CHD9: variants seen among roughly 807,000 people sequenced by gnomAD.
CHD9 encodes the protein chromodomain helicase DNA binding protein 9.
A neutral mutation model predicts 316.1 loss-of-function variants in CHD9; 77 were observed. The observed-to-expected ratio is 0.24, with a 90% CI of 0.20 to 0.29. The LOEUF is 0.29. CHD9 is among the 10% of genes least tolerant of loss of function. CHD9 has a pLI of 1.00. For synonymous variants in CHD9, 1,129 were observed against 1,158.3 expected, an observed-to-expected ratio of 0.97 and a Z score of 0.51; for missense variants, 2,763 against 3,438.1, an observed-to-expected ratio of 0.80 and a Z score of 4.91.
intron 1 of CHD9, among the ~76,000 whole-genome samples, chr16:53,088,568 G>A (rs1049265574): frequency 6.6e-6 from 1 of 150,960 alleles, no homozygotes; most frequent in Non-Finnish European, 1.5e-5. Context: ...TTGAGCCACC[G>A]CGCCCGGCCA....
chr16:53,132,499 A>G (rs1334216120), intron 1 of CHD9, among the ~76,000 whole-genome samples: 3 of 152,262 alleles, frequency 2.0e-5, no homozygotes, highest in African/African-American at 7.2e-5. Flanking sequence ...TAGTTTTAAA[A>G]GAACCACTAG....
intron 1 of CHD9, among the ~76,000 whole-genome samples, chr16:53,064,979 AAGAGAG>A (rs554306872): frequency 6.6e-6 from 1 of 151,450 alleles, no homozygotes; most frequent in African/African-American, 2.4e-5. Flanking sequence ...GAAAGAAAGA[AAGAGAG>A]AGAGAGAGAG....
intron 1 of CHD9, chr16:53,130,779 C>T (rs1472777024): frequency 1.3e-5 from 2 of 151,848 alleles, no homozygotes; most frequent in Non-Finnish European, 2.9e-5. Flanking sequence ...AGGGGACGCT[C>T]CCTCTTAGGC....
intron 1 of CHD9, among the ~76,000 whole-genome samples, chr16:53,132,327 G>A (rs73590897): frequency 0.032 from 4,922 of 152,026 alleles, 100 homozygotes; most frequent in Middle Eastern, 0.071. Context: ...TAAAATTACC[G>A]TCAGAATTTA....
At chr16:53,115,411 A>G (rs1387363224) in intron 1 of CHD9, among the ~76,000 whole-genome samples, 3 of 152,254 alleles carry the variant, frequency 2.0e-5, no homozygotes, top group African/African-American at 7.2e-5. Flanking sequence ...CTGAGCAAAG[A>G]TAATTTTTAA....
intron 1 of CHD9, among the ~76,000 whole-genome samples, chr16:53,131,766 G>T (rs1221077550): frequency 6.6e-6 from 1 of 152,118 alleles, no homozygotes; most frequent in African/African-American, 2.4e-5. Context: ...CGTCCCGCGC[G>T]GGCACCCGAC....
rs144590971 is a variant in CHD9 at position 53,110,738 on chromosome 16, G to A, written c.-164-45188G>A. On this transcript the variant is annotated intron_variant, in intron 1 of 38. Coordinates refer to ENST00000447540, the MANE Select transcript of CHD9 (RefSeq NM_001308319.2). ...GACTGAGCAACTGCACTCCAGCCTG[G>A]GTGATGGTGAGACTCCATCTCAAAA... 7.2e-4 allele frequency among the ~76,000 whole-genome samples: 109 copies of A among 152,268 alleles called. 2 individuals are homozygous for A. The East Asian group carries it at 0.015, about 22-fold the overall frequency.
rs1555491177 is a variant in CHD9, at chr16:53,143,400, T to TTATC, written c.-164-12524_-164-12521dup. ...TTTATTTATTTATTTATTTATTTAT[T>TTATC]TATCTGAGGCAGATACTCGCTCTGT... On this transcript the variant is annotated intron_variant, in intron 1 of 38. Transcript: ENST00000447540. 1.9e-3 allele frequency among the ~76,000 whole-genome samples: 275 copies of TTATC among 141,540 alleles called. 2 individuals carry two copies. Among genetic ancestry groups the TTATC allele is most frequent in the African/African-American group, 7.0e-3 (263 of 37,604 alleles). 92.9% of individuals were successfully genotyped at this position (141,540 alleles called of 152,430 possible). A position where few individuals can be genotyped will look rare whatever the true frequency, so the allele number is the denominator to read the frequency against.
chr16:53,100,757 C>T lies in CHD9; in HGVS notation c.-165+45680C>T, dbSNP rs1201838877. 2.0e-5 allele frequency among the ~76,000 whole-genome samples: 3 copies of T among 152,164 alleles called. No homozygotes were observed. The East Asian group carries it at 5.8e-4, about 29-fold the overall frequency. On this transcript the variant is annotated intron_variant, in intron 1 of 38. Transcript: ENST00000447540. ...CTGGGATTACAGGCGTGAGCTGCCA[C>T]CCCCAGCTTGAGTAGAATCTACCTT...
At chr16:53,140,154 T>C (rs2039996271) in intron 1 of CHD9, among the ~76,000 whole-genome samples, 1 of 151,704 alleles carries the variant, frequency 6.6e-6, no homozygotes, top group African/African-American at 2.4e-5. Flanking sequence ...AATTGAAATT[T>C]AGCATTAGAA....
rs888823964 is a variant in CHD9, at chr16:53,327,445, A to G, written c.*2550A>G. On this transcript the variant is annotated 3_prime_UTR_variant, in exon 39 of 39. Coordinates refer to ENST00000447540, the MANE Select transcript of CHD9 (RefSeq NM_001308319.2). ...ATTAAATTACTTTCTATGATGTTCT[A>G]TAGAGCAAATGGAAGTTTAATTATT... 2.6e-5 allele frequency: 4 copies of G among 152,610 alleles called. No homozygotes were observed. The highest frequency in any genetic ancestry group is 5.9e-5 in the Non-Finnish European group (4 of 67,996). The allele number at this position is 152,610 out of a possible 1,614,324, so 9.5% of individuals were successfully genotyped here. A position where few individuals can be genotyped will look rare whatever the true frequency, so the allele number is the denominator to read the frequency against.
intron 1 of CHD9, among the ~76,000 whole-genome samples, chr16:53,107,499 A>T (rs990493068): frequency 7.0e-6 from 1 of 142,764 alleles, no homozygotes; most frequent in Non-Finnish European, 1.5e-5. Flanking sequence ...TAAATAAAAT[A>T]AAATAAAATA....
intron 21 of CHD9, among the ~76,000 whole-genome samples, chr16:53,267,722 G>A (rs1231916054): frequency 6.6e-6 from 1 of 152,068 alleles, no homozygotes; most frequent in Non-Finnish European, 1.5e-5. Context: ...CGCATATTCA[G>A]TAATACAAAT....
intron 2 of CHD9, among the ~76,000 whole-genome samples, chr16:53,176,391 A>G (rs551191383): frequency 1.3e-5 from 2 of 152,352 alleles, no homozygotes; most frequent in East Asian, 3.9e-4. Flanking sequence ...TGGATAATTT[A>G]GGATAATTTC....
chr16:53,218,826 GT>G (rs2046989998), intron 3 of CHD9, among the ~76,000 whole-genome samples: 1 of 152,020 alleles, frequency 6.6e-6, no homozygotes, highest in Admixed American at 6.6e-5. Flanking sequence ...TCCGTGTGTT[GT>G]TCTCATCTAC....
At chr16:53,061,229 G>T (rs1163669695) in intron 1 of CHD9, among the ~76,000 whole-genome samples, 1 of 152,096 alleles carries the variant, frequency 6.6e-6, no homozygotes, top group East Asian at 1.9e-4. Flanking sequence ...GCCTGGCCAA[G>T]ATGCTGTCTC....
At chr16:53,261,680 G>GATGTTTTCT (rs1317415040) in intron 19 of CHD9, among the ~76,000 whole-genome samples, 1 of 151,984 alleles carries the variant, frequency 6.6e-6, no homozygotes, top group Non-Finnish European at 1.5e-5. Context: ...GCCTGCCTTG[G>GATGTTTTCT]ATGTTTTCTA....
At chr16:53,288,112 C>A in intron 27 of CHD9, 98 bp downstream of exon 27, 1 of 869,442 alleles carries the variant, frequency 1.2e-6, no homozygotes, top group Non-Finnish European at 1.9e-6. Context: ...TTTCATTATA[C>A]ATAATTCTTC....
intron 1 of CHD9, among the ~76,000 whole-genome samples, chr16:53,060,949 G>A (rs1287815366): frequency 1.5e-5 from 2 of 135,310 alleles, no homozygotes; most frequent in Middle Eastern, 3.8e-3. Flanking sequence ...TTTTTGAGAC[G>A]GAGTTTCACT....
Sources: allele counts gnomAD v4.1 joint callset (sites outside exome capture counted in the v4.1 genomes callset), GRCh38; gene constraint gnomAD v4.1.1; transcripts MANE v1.5; gene names NCBI Gene and HGNC (gene_info 2026-07-23, HGNC 2026-07-21).